The following ZFAND3 variants were observed in gnomAD, a reference collection of about 807,000 sequenced individuals.
ZFAND3 encodes zinc finger AN1-type containing 3.
Under a neutral mutation model 29.6 loss-of-function variants are expected in ZFAND3, and 10 were observed. The ratio of observed to expected loss-of-function variants is 0.34; its 90% CI spans 0.21 to 0.57. The LOEUF (loss-of-function observed/expected upper bound fraction) is 0.57. ZFAND3 is among the 20% of genes least tolerant of loss of function. The probability of loss-of-function intolerance (pLI) is 0.86; values close to 1 mark genes in which losing one functional copy is unlikely to be tolerated. For missense variants in ZFAND3, 230 were observed against 304.5 expected (o/e 0.76, Z 1.82); for synonymous variants, 128 against 112.6 (o/e 1.14, Z -0.87).
At chr6:38,144,211 A>ATATATAAAATATATATATATAT (rs70981524) in intron 5 of ZFAND3, among the ~76,000 whole-genome samples, 1 of 45,880 alleles carries the variant, frequency 2.2e-5, no homozygotes, top group African/African-American at 1.2e-4. Flanking sequence ...ATATATATAT[A>ATATATAAAATATATATATATAT]ATATATAATA....
At chr6:38,065,583 AG>A (rs1764330905) in intron 3 of ZFAND3, among the ~76,000 whole-genome samples, 1 of 152,222 alleles carries the variant, frequency 6.6e-6, no homozygotes, top group Non-Finnish European at 1.5e-5. Flanking sequence ...CTATTAGGGT[AG>A]GTGCTTTTAT....
intron 5 of ZFAND3, among the ~76,000 whole-genome samples, chr6:38,151,902 G>A (rs1429513159): frequency 1.3e-5 from 2 of 152,122 alleles, no homozygotes; most frequent in East Asian, 3.9e-4. Flanking sequence ...CTGACAGCCT[G>A]TGCTCTTCCG....
chr6:37,833,978 A>T lies in ZFAND3; in HGVS notation c.71+13962A>T, dbSNP rs1490848021. Among the ~76,000 whole-genome samples, 6 of 152,244 alleles carry T rather than the reference A, an allele frequency of 3.9e-5. No individual in the cohort carries two copies. The East Asian group carries it at 1.2e-3, about 29-fold the overall frequency. Reference sequence around the variant, plus strand: ...CTATCGACATCTCACATTAGTGTGGAACATTTTATAGAATTGATGAACCTA... The same window carrying T: ...CTATCGACATCTCACATTAGTGTGGTACATTTTATAGAATTGATGAACCTA... On this transcript the variant is annotated intron_variant, in intron 1 of 5. Transcript: ENST00000287218.
rs143094389 is a variant in ZFAND3 at position 37,973,860 on chromosome 6, C to T, written c.112+43861C>T. On this transcript the variant is annotated intron_variant, in intron 2 of 5. Coordinates refer to ENST00000287218, the MANE Select transcript of ZFAND3 (RefSeq NM_021943.3). ...TGTTCTTTCTCATCTACTTAGAAAGCATTTACTATCACCTTTGACGAGCAA... is the reference window on the plus strand; with the variant it reads ...TGTTCTTTCTCATCTACTTAGAAAGTATTTACTATCACCTTTGACGAGCAA... 4.0e-3 allele frequency among the ~76,000 whole-genome samples: 611 copies of T among 152,244 alleles called. 7 individuals are homozygous for T. The highest frequency in any genetic ancestry group is 5.6e-3 in the Non-Finnish European group (383 of 68,016).
intron 5 of ZFAND3, among the ~76,000 whole-genome samples, chr6:38,145,080 G>A (rs1238609518): frequency 6.6e-6 from 1 of 152,144 alleles, no homozygotes; most frequent in Non-Finnish European, 1.5e-5. Flanking sequence ...TCAGCCAAGG[G>A]TAGAGGCCTC....
intron 1 of ZFAND3, among the ~76,000 whole-genome samples, chr6:37,846,702 T>G (rs1336835899): frequency 6.7e-6 from 1 of 149,258 alleles, no homozygotes; most frequent in African/African-American, 2.4e-5. Context: ...TTTATACTTG[T>G]GATTTTTTTT....
intron 1 of ZFAND3, among the ~76,000 whole-genome samples, chr6:37,919,156 G>A (rs777731998): frequency 1.3e-5 from 2 of 151,954 alleles, no homozygotes; most frequent in Non-Finnish European, 2.9e-5. Flanking sequence ...GTTTCACCAT[G>A]TTGGCCAGGG....
chr6:38,111,098 A>G (rs1765307006), intron 4 of ZFAND3, among the ~76,000 whole-genome samples: 1 of 152,226 alleles, frequency 6.6e-6, no homozygotes, highest in Non-Finnish European at 1.5e-5. Context: ...GTCTCCAGTT[A>G]AGCTTTCCAG....
At chr6:37,856,950 CTT>C (rs60050000) in intron 1 of ZFAND3, among the ~76,000 whole-genome samples, 4 of 147,906 alleles carry the variant, frequency 2.7e-5, no homozygotes, top group Non-Finnish European at 1.5e-5. Flanking sequence ...AACTCTTGAC[CTT>C]TTTTTTTTTG....
At chr6:38,102,078 T>A (rs1765105141) in intron 4 of ZFAND3, among the ~76,000 whole-genome samples, 1 of 152,176 alleles carries the variant, frequency 6.6e-6, no homozygotes, top group African/African-American at 2.4e-5. Context: ...ATCATCTTCC[T>A]CCTTTCTTCT....
At chr6:37,838,673 A>G (rs1455586831) in intron 1 of ZFAND3, among the ~76,000 whole-genome samples, 1 of 152,166 alleles carries the variant, frequency 6.6e-6, no homozygotes, top group East Asian at 1.9e-4. Context: ...TTGTGGCTGT[A>G]TAATACTCCA....
At chr6:38,006,655 GTTTT>G (rs5875608) in intron 2 of ZFAND3, among the ~76,000 whole-genome samples, 18 of 133,094 alleles carry the variant, frequency 1.4e-4, no homozygotes, top group Non-Finnish European at 1.7e-4. Context: ...GAGGAAGAGG[GTTTT>G]TTTTTTTTTT....
chr6:37,819,836 T>A lies in ZFAND3; in HGVS notation c.-110T>A, dbSNP rs1300553514. ...CGCCCGCGCGCCCGCTCCTTCCCCC[T>A]CCCCCCGCCCCGAGCCCCCCGACGC... On this transcript the variant is annotated 5_prime_UTR_variant, in exon 1 of 6. Transcript: ENST00000287218. The A allele has an allele frequency of 5.0e-5, 14 of 277,626 alleles. No individual in the cohort carries two copies. The highest frequency in any genetic ancestry group is 1.5e-4 in the South Asian group (1 of 6,650). 17.2% of individuals were successfully genotyped at this position (277,626 alleles called of 1,614,324 possible). A position where few individuals can be genotyped will look rare whatever the true frequency, so the allele number is the denominator to read the frequency against.
chr6:37,998,728 G>A (rs529560959), intron 2 of ZFAND3, among the ~76,000 whole-genome samples: 1 of 152,248 alleles, frequency 6.6e-6, no homozygotes, highest in Non-Finnish European at 1.5e-5. Flanking sequence ...ATAAATAAAT[G>A]GATGGTGGAA....
chr6:37,996,364 CTTAT>C (rs745974791), intron 2 of ZFAND3, among the ~76,000 whole-genome samples: 3 of 152,100 alleles, frequency 2.0e-5, no homozygotes, highest in Admixed American at 2.0e-4. Context: ...TTGTTATGTA[CTTAT>C]TTCTTTTTTA....
At chr6:38,005,417 G>A (rs1763031899) in intron 2 of ZFAND3, among the ~76,000 whole-genome samples, 1 of 152,144 alleles carries the variant, frequency 6.6e-6, no homozygotes, top group Non-Finnish European at 1.5e-5. Context: ...AATGAGTATA[G>A]GTGGTGTGCA....
intron 1 of ZFAND3, among the ~76,000 whole-genome samples, chr6:37,917,871 A>G (rs1158156982): frequency 2.6e-5 from 4 of 152,210 alleles, no homozygotes; most frequent in Admixed American, 6.5e-5. Context: ...TGGAATTTGA[A>G]CAAATGAAAG....
intron 1 of ZFAND3, among the ~76,000 whole-genome samples, chr6:37,849,264 T>C (rs773512651): frequency 7.9e-5 from 12 of 152,160 alleles, no homozygotes; most frequent in Non-Finnish European, 1.6e-4. Flanking sequence ...AGTTGCATTG[T>C]TCTATTCAAT....
intron 2 of ZFAND3, among the ~76,000 whole-genome samples, chr6:38,045,821 T>C (rs1763893164): frequency 6.6e-6 from 1 of 152,210 alleles, no homozygotes; most frequent in African/African-American, 2.4e-5. Flanking sequence ...CAGAAATCCA[T>C]ATATAAACAT....
Sources: allele counts gnomAD v4.1 joint callset (sites outside exome capture counted in the v4.1 genomes callset), GRCh38; gene constraint gnomAD v4.1.1; transcripts MANE v1.5; gene names NCBI Gene and HGNC (gene_info 2026-07-23, HGNC 2026-07-21).